The following FOXP2 variants were observed in gnomAD, a reference collection of about 807,000 sequenced individuals.
FOXP2 encodes forkhead box P2, also known as forkhead box protein P2.
Under a neutral mutation model 115.8 loss-of-function variants are expected in FOXP2, and 12 were observed. That is an observed-to-expected ratio of 0.10 (90% CI 0.07 to 0.17). The LOEUF is 0.17. FOXP2 is among the 10% of genes least tolerant of loss of function. FOXP2 has a pLI of 1.00. For synonymous variants in FOXP2, 328 were observed against 297.7 expected (o/e 1.10, Z -1.05); for missense variants, 629 against 843.5 (o/e 0.75, Z 3.15).
intron 2 of FOXP2, among the ~76,000 whole-genome samples, chr7:114,494,584 T>A (rs1797225077): frequency 6.6e-6 from 1 of 152,262 alleles, no homozygotes; most frequent in Non-Finnish European, 1.5e-5. Flanking sequence ...CTCAGACCGC[T>A]AGTAATTACT....
chr7:114,248,196 G>GAGAC (rs1246342517), intron 1 of FOXP2, among the ~76,000 whole-genome samples: 1 of 150,718 alleles, frequency 6.6e-6, no homozygotes, highest in Admixed American at 6.6e-5. Context: ...GAGAGAGAGA[G>GAGAC]AGAGAGAGAG....
At chr7:114,348,771 T>C (rs981543673) in intron 2 of FOXP2, among the ~76,000 whole-genome samples, 2 of 152,104 alleles carry the variant, frequency 1.3e-5, no homozygotes, top group African/African-American at 4.8e-5. Flanking sequence ...ATGAAATTGT[T>C]AGCTTTGGAA....
At chr7:114,168,411 G>A (rs1339310058) in intron 1 of FOXP2, among the ~76,000 whole-genome samples, 1 of 152,160 alleles carries the variant, frequency 6.6e-6, no homozygotes, top group African/African-American at 2.4e-5. Flanking sequence ...TGGAGCAAAG[G>A]TGACTTTTGT....
At chr7:114,251,430 C>G (rs1795439222) in intron 1 of FOXP2, among the ~76,000 whole-genome samples, 1 of 152,150 alleles carries the variant, frequency 6.6e-6, no homozygotes, top group South Asian at 2.1e-4. Flanking sequence ...TATCCATGAA[C>G]ATGGAATGTT....
At chr7:114,545,525 A>T (rs750196246) in intron 3 of FOXP2, among the ~76,000 whole-genome samples, 1 of 151,842 alleles carries the variant, frequency 6.6e-6, no homozygotes, top group Non-Finnish European at 1.5e-5. Flanking sequence ...TGCATCCTAA[A>T]CTCCTCAGTA....
chr7:114,515,330 A>G (rs911594089), intron 2 of FOXP2, among the ~76,000 whole-genome samples: 3 of 151,446 alleles, frequency 2.0e-5, no homozygotes, highest in Non-Finnish European at 2.9e-5. Flanking sequence ...TTACAGTCCC[A>G]CCAACAGTGT....
At chr7:114,390,807 T>G (rs1411443398) in intron 2 of FOXP2, among the ~76,000 whole-genome samples, 1 of 152,066 alleles carries the variant, frequency 6.6e-6, no homozygotes, top group Non-Finnish European at 1.5e-5. Flanking sequence ...ATTGCCTGCC[T>G]TGGCCCTGCT....
chr7:114,472,408 C>T (rs909234490), intron 2 of FOXP2, among the ~76,000 whole-genome samples: 1 of 150,676 alleles, frequency 6.6e-6, no homozygotes, highest in Non-Finnish European at 1.5e-5. Context: ...TGCAGTGGCA[C>T]GATCTTGGCT....
At chr7:114,660,973 A>C (rs1806828692) in intron 13 of FOXP2, among the ~76,000 whole-genome samples, 1 of 152,012 alleles carries the variant, frequency 6.6e-6, no homozygotes. Flanking sequence ...ATTAATATTA[A>C]AATTATCATA....
chr7:114,240,851 A>G (rs1795133889), intron 1 of FOXP2, among the ~76,000 whole-genome samples: 1 of 152,046 alleles, frequency 6.6e-6, no homozygotes, highest in Non-Finnish European at 1.5e-5. Context: ...CTATTAAATG[A>G]ATAGTTATAT....
intron 16 of FOXP2, among the ~76,000 whole-genome samples, chr7:114,685,755 G>A (rs1025832809): frequency 2.0e-5 from 3 of 152,110 alleles, no homozygotes; most frequent in African/African-American, 7.2e-5. Context: ...TTTCTGATGG[G>A]CTTTAAAGTA....
chr7:114,354,056 A>G (rs1306450137), intron 2 of FOXP2, among the ~76,000 whole-genome samples: 1 of 152,158 alleles, frequency 6.6e-6, no homozygotes, highest in African/African-American at 2.4e-5. Flanking sequence ...AAGAAGATCT[A>G]TACTCACCAA....
At chr7:114,648,851 A>G (rs1806068486) in intron 8 of FOXP2, among the ~76,000 whole-genome samples, 1 of 152,100 alleles carries the variant, frequency 6.6e-6, no homozygotes, top group Non-Finnish European at 1.5e-5. Context: ...ATGTTTGTTC[A>G]GTGCTGCCTT....
chr7:114,385,741 CT>C (rs1262900176), intron 2 of FOXP2, among the ~76,000 whole-genome samples: 2 of 152,184 alleles, frequency 1.3e-5, no homozygotes, highest in African/African-American at 4.8e-5. Flanking sequence ...TCCAATATTA[CT>C]CACAGCTTTG....
chr7:114,321,359 C>T (rs1459612051), intron 2 of FOXP2, among the ~76,000 whole-genome samples: 10 of 151,770 alleles, frequency 6.6e-5, no homozygotes, highest in East Asian at 1.9e-4. Flanking sequence ...CCACCACGCC[C>T]GGCTAATTTT....
intron 1 of FOXP2, among the ~76,000 whole-genome samples, chr7:114,277,071 C>T (rs1009935912): frequency 6.6e-6 from 1 of 151,938 alleles, no homozygotes; most frequent in African/African-American, 2.4e-5. Context: ...GCTCCTAAAC[C>T]AGATATGGAG....
At chr7:114,563,807 G>T (rs1198948561) in intron 3 of FOXP2, among the ~76,000 whole-genome samples, 1 of 152,124 alleles carries the variant, frequency 6.6e-6, no homozygotes, top group Non-Finnish European at 1.5e-5. Flanking sequence ...TTTCATTCTT[G>T]AAAAATCGTC....
intron 8 of FOXP2, among the ~76,000 whole-genome samples, chr7:114,649,216 T>C (rs1324054745): frequency 1.3e-5 from 2 of 152,116 alleles, no homozygotes; most frequent in Non-Finnish European, 2.9e-5. Context: ...ATAAAGGTTT[T>C]GTAACAAGCA....
Position 114,693,575 on chromosome 7 carries a change from G to T in FOXP2, c.*3649G>T. On this transcript the variant is annotated 3_prime_UTR_variant, in exon 17 of 17. Transcript: ENST00000350908. ...TTATTTCACTAGTTCAGGTTGCAAC[G>T]AAAGGTTTTTTTGTCCATGAACACT... 4.4e-6 allele frequency: 2 copies of T among 453,104 alleles called. No individual in the cohort carries two copies. Among genetic ancestry groups the T allele is most frequent in the Non-Finnish European group, 8.8e-6 (2 of 226,380 alleles). 28.1% of individuals were successfully genotyped at this position (453,104 alleles called of 1,614,324 possible).
Sources: gnomAD v4.1 joint callset for allele counts (sites outside exome capture counted in the v4.1 genomes callset) on GRCh38, gnomAD v4.1.1 for gene constraint, MANE v1.5 for transcripts, NCBI Gene and HGNC (gene_info 2026-07-23, HGNC 2026-07-21) for gene names.